Variants in ZFPM2 observed in about 807,000 individuals in gnomAD.
The protein encoded by ZFPM2 is zinc finger protein, FOG family member 2, also known as zinc finger protein ZFPM2.
Under a neutral mutation model 98.6 loss-of-function variants are expected in ZFPM2, and 20 were observed. That is an observed-to-expected ratio of 0.20 (90% CI 0.14 to 0.29). ZFPM2 has a LOEUF of 0.29. ZFPM2 is among the 10% of genes least tolerant of loss of function. The probability of loss-of-function intolerance (pLI) is 1.00; values close to 1 mark genes in which losing one functional copy is unlikely to be tolerated. For missense variants in ZFPM2, 1,310 were observed against 1,388.6 expected, an observed-to-expected ratio of 0.94 and a Z score of 0.90; for synonymous variants, 518 against 502.7, an observed-to-expected ratio of 1.03 and a Z score of -0.41.
chr8:105,347,870 CAAAG>C (rs143671132), intron 1 of ZFPM2, among the ~76,000 whole-genome samples: 3 of 152,086 alleles, frequency 2.0e-5, no homozygotes, highest in Non-Finnish European at 2.9e-5. Context: ...AAAATAATAA[CAAAG>C]AAAACAAAAA....
At chr8:105,470,599 G>GA (rs1812884500) in intron 3 of ZFPM2, among the ~76,000 whole-genome samples, 1 of 152,088 alleles carries the variant, frequency 6.6e-6, no homozygotes, top group South Asian at 2.1e-4. Flanking sequence ...ACAAAATGGC[G>GA]AAACCTTGTC....
chr8:105,760,776 A>C (rs1201174938), intron 5 of ZFPM2, among the ~76,000 whole-genome samples: 1 of 152,072 alleles, frequency 6.6e-6, no homozygotes, highest in African/African-American at 2.4e-5. Context: ...GATAGACTTC[A>C]ACTAAAACGA....
At chr8:105,718,107 T>G (rs1193864354) in intron 5 of ZFPM2, among the ~76,000 whole-genome samples, 1 of 151,950 alleles carries the variant, frequency 6.6e-6, no homozygotes, top group East Asian at 1.9e-4. Context: ...GTCTAAAATG[T>G]GAGGTCATGT....
intron 5 of ZFPM2, among the ~76,000 whole-genome samples, chr8:105,673,333 T>G (rs1254827728): frequency 6.6e-6 from 1 of 151,732 alleles, no homozygotes; most frequent in African/African-American, 2.4e-5. Flanking sequence ...AGTAAACAAT[T>G]AAATTAAAAA....
At chr8:105,591,726 C>G (rs1815848862) in intron 4 of ZFPM2, among the ~76,000 whole-genome samples, 1 of 151,798 alleles carries the variant, frequency 6.6e-6, no homozygotes, top group Non-Finnish European at 1.5e-5. Context: ...CCAGTAATAT[C>G]ATCATTTGTT....
At chr8:105,413,505 T>TAC (rs550988281) in intron 1 of ZFPM2, among the ~76,000 whole-genome samples, 24,936 of 141,178 alleles carry the variant, frequency 0.18, 2,143 homozygotes, top group Admixed American at 0.26. Flanking sequence ...TATATATATA[T>TAC]ATACACACAC....
intron 4 of ZFPM2, among the ~76,000 whole-genome samples, chr8:105,592,330 T>C (rs1217227393): frequency 1.3e-5 from 2 of 152,086 alleles, no homozygotes; most frequent in Non-Finnish European, 2.9e-5. Flanking sequence ...TCTGGAAGGG[T>C]TAAAGGACTT....
chr8:105,400,695 T>C (rs1811322774), intron 1 of ZFPM2, among the ~76,000 whole-genome samples: 1 of 152,198 alleles, frequency 6.6e-6, no homozygotes, highest in Admixed American at 6.6e-5. Context: ...AGTATTTGTT[T>C]GCAACTCATA....
Position 105,680,377 on chromosome 8 carries a change from T to C in ZFPM2, c.532+46020T>C, listed in dbSNP as rs900336161. 2.0e-4 allele frequency among the ~76,000 whole-genome samples: 30 copies of C among 152,186 alleles called. 1 individual carries two copies. Among genetic ancestry groups the C allele is most frequent in the Admixed American group, 2.0e-4 (3 of 15,278 alleles). Reference sequence around the variant, plus strand: ...AAGAAATAGCAATCAGAAAATTCTGTCTTGCTATTTGAACTGAGCTGCTCT... The same window carrying C: ...AAGAAATAGCAATCAGAAAATTCTGCCTTGCTATTTGAACTGAGCTGCTCT... On this transcript the variant is annotated intron_variant, in intron 5 of 7. Transcript: ENST00000407775.
chr8:105,747,006 G>A (rs1455560185), intron 5 of ZFPM2, among the ~76,000 whole-genome samples: 1 of 151,676 alleles, frequency 6.6e-6, no homozygotes, highest in Non-Finnish European at 1.5e-5. Context: ...TGTAACACTG[G>A]GGGAAAAAAA....
chr8:105,589,417 T>G (rs1815796104), intron 4 of ZFPM2, among the ~76,000 whole-genome samples: 1 of 152,190 alleles, frequency 6.6e-6, no homozygotes. Context: ...CAAAAGTGAC[T>G]TTTTGTAATT....
At chr8:105,506,070 C>T (rs538632440) in intron 3 of ZFPM2, among the ~76,000 whole-genome samples, 3 of 152,246 alleles carry the variant, frequency 2.0e-5, no homozygotes, top group Non-Finnish European at 4.4e-5. Context: ...GAATAAATGT[C>T]ACCTCCTCAC....
At chr8:105,775,618 G>A (rs1433912586) in intron 5 of ZFPM2, among the ~76,000 whole-genome samples, 2 of 152,160 alleles carry the variant, frequency 1.3e-5, no homozygotes, top group African/African-American at 4.8e-5. Flanking sequence ...GTCTTAAGCA[G>A]CTTTGTAATC....
intron 5 of ZFPM2, among the ~76,000 whole-genome samples, chr8:105,720,513 T>C (rs1811635483): frequency 6.6e-6 from 1 of 151,934 alleles, no homozygotes; most frequent in Non-Finnish European, 1.5e-5. Flanking sequence ...CCTTGTATTG[T>C]GCATGTGCCT....
intron 4 of ZFPM2, among the ~76,000 whole-genome samples, chr8:105,591,142 G>C (rs1815834176): frequency 6.6e-6 from 1 of 151,756 alleles, no homozygotes; most frequent in Non-Finnish European, 1.5e-5. Flanking sequence ...CTATGAATCA[G>C]TTTGCTGATT....
At chr8:105,571,094 G>T (rs775363152) in intron 4 of ZFPM2, among the ~76,000 whole-genome samples, 15 of 152,268 alleles carry the variant, frequency 9.9e-5, no homozygotes, top group Non-Finnish European at 1.5e-4. Flanking sequence ...TGAGACAAAT[G>T]AGTCACATAA....
intron 1 of ZFPM2, among the ~76,000 whole-genome samples, chr8:105,361,608 T>G (rs1289714937): frequency 6.6e-6 from 1 of 152,208 alleles, no homozygotes; most frequent in Non-Finnish European, 1.5e-5. Flanking sequence ...TAACATCACC[T>G]AAATAATACT....
chr8:105,515,911 C>CTTTTTTTT (rs34183654), intron 3 of ZFPM2, among the ~76,000 whole-genome samples: 6 of 89,276 alleles, frequency 6.7e-5, no homozygotes, highest in East Asian at 3.2e-4. Flanking sequence ...AAAACAACTT[C>CTTTTTTTT]TTTTTTTTTT....
chr8:105,748,097 T>G (rs1052432505), intron 5 of ZFPM2, among the ~76,000 whole-genome samples: 1 of 152,206 alleles, frequency 6.6e-6, no homozygotes. Flanking sequence ...TATAAAATTA[T>G]ATATTATCAT....
Sources: gnomAD v4.1 joint callset for allele counts (sites outside exome capture counted in the v4.1 genomes callset) on GRCh38, gnomAD v4.1.1 for gene constraint, MANE v1.5 for transcripts, NCBI Gene and HGNC (gene_info 2026-07-23, HGNC 2026-07-21) for gene names.